The following CRADD variants were observed in gnomAD, a reference collection of about 807,000 sequenced individuals.
CRADD encodes CARD and death domain containing adaptor protein, also known as death domain-containing protein CRADD.
In CRADD, 9 loss-of-function variants were observed where a neutral mutation model predicts 15.5. The observed-to-expected ratio is 0.58, with a 90% CI of 0.35 to 1.01. CRADD has a LOEUF of 1.01. Among genes scored for constraint, CRADD ranks in the 50% least tolerant of loss-of-function variants. The pLI is 0.02. For synonymous variants in CRADD, 118 were observed against 107.6 expected (o/e 1.10, Z -0.60); for missense variants, 227 against 250.3 (o/e 0.91, Z 0.63).
intron 2 of CRADD, among the ~76,000 whole-genome samples, chr12:93,776,623 G>A (rs1041117974): frequency 6.6e-6 from 1 of 152,172 alleles, no homozygotes; most frequent in Non-Finnish European, 1.5e-5. Context: ...CTTGTGCATA[G>A]CAGCATTATT....
chr12:93,851,673 A>T (rs939085174), downstream of CRADD, among the ~76,000 whole-genome samples: 1 of 152,174 alleles, frequency 6.6e-6, no homozygotes, highest in Non-Finnish European at 1.5e-5. Flanking sequence ...CTATTGCCAC[A>T]TTTCTTACTA....
intron 2 of CRADD, among the ~76,000 whole-genome samples, chr12:93,795,699 A>G (rs1028709421): frequency 2.6e-5 from 4 of 151,718 alleles, no homozygotes; most frequent in Non-Finnish European, 4.4e-5. Flanking sequence ...TTTCCCATCT[A>G]TTTTTCTTTT....
At chr12:93,793,512 TTTTATTAA>T (rs1957375775) in intron 2 of CRADD, among the ~76,000 whole-genome samples, 1 of 152,214 alleles carries the variant, frequency 6.6e-6, no homozygotes, top group Non-Finnish European at 1.5e-5. Flanking sequence ...AGTTCATACA[TTTTATTAA>T]AGACAGTCTG....
intron 2 of CRADD, among the ~76,000 whole-genome samples, chr12:93,702,542 G>A (rs936883314): frequency 1.3e-5 from 2 of 151,502 alleles, no homozygotes; most frequent in Admixed American, 1.3e-4. Flanking sequence ...GGCTTTGGGA[G>A]GAACTGAGAA....
At position 93,850,540 on chromosome 12, in the gene CRADD, T is replaced by A. The variant is rs1395431544; in HGVS notation, c.*269T>A. On this transcript the variant is annotated 3_prime_UTR_variant, in exon 3 of 3. Coordinates refer to ENST00000332896, the MANE Select transcript of CRADD (RefSeq NM_003805.5). This position sits in a 1 kb window ranked among gnomAD's most constrained non-coding sequence, Gnocchi z 4.0. ...TTCAGTTTTTAAATGTGTAATGGCA[T>A]TTTAATAGACTAGTAAATCACAGTG... The A allele has an allele frequency of 1.8e-6, 2 of 1,131,050 alleles. No homozygotes were observed. The highest frequency in any genetic ancestry group is 3.3e-5 in the African/African-American group (2 of 61,124). 70.1% of individuals were successfully genotyped at this position (1,131,050 alleles called of 1,614,324 possible). A position where few individuals can be genotyped will look rare whatever the true frequency, so the allele number is the denominator to read the frequency against.
At chr12:93,888,578 A>AT (rs1186765089) in intron 2 of CRADD, among the ~76,000 whole-genome samples, 1 of 152,118 alleles carries the variant, frequency 6.6e-6, no homozygotes, top group Non-Finnish European at 1.5e-5. Flanking sequence ...AAAGGTCATC[A>AT]TTCTGTGCAT....
rs767048631 is a variant in CRADD at position 93,699,857 on chromosome 12, C to T, written c.298+20785C>T. On this transcript the variant is annotated intron_variant, in intron 2 of 2. Transcript: ENST00000332896. ...GAAATAGAAGCTAGAGAGCCCTTGT[C>T]CTTCAAGGAGTTTGAAGTCTGTATG... 2.6e-5 allele frequency among the ~76,000 whole-genome samples: 4 copies of T among 152,264 alleles called. No homozygotes were observed. The East Asian group carries it at 5.8e-4, about 22-fold the overall frequency.
intron 2 of CRADD, among the ~76,000 whole-genome samples, chr12:93,793,480 T>C (rs533160158): frequency 1.2e-4 from 19 of 152,310 alleles, no homozygotes; most frequent in African/African-American, 4.3e-4. Context: ...AGTTTGAGAA[T>C]CCTGCTTTAA....
At chr12:93,886,219 C>T in intron 2 of CRADD, among the ~76,000 whole-genome samples, 1 of 146,124 alleles carries the variant, frequency 6.8e-6, no homozygotes, top group East Asian at 2.0e-4. Context: ...GGCTGGAGCG[C>T]AGTCACATAG....
Position 93,894,051 on chromosome 12 carries a change from G to C in CRADD, c.300G>C (p.Glu100Asp), listed in dbSNP as rs1320470991. 8.5e-6 allele frequency: 6 copies of C among 702,466 alleles called. No homozygotes were observed. The East Asian group carries it at 1.3e-4, about 16-fold the overall frequency. The allele number at this position is 702,466 out of a possible 1,614,324, so 43.5% of individuals were successfully genotyped here. ...ACCTTCTCTTTCTTCTCATTTTAGA[G>C]ATGAGGAAACTGAGGCCAAAGGATT... The change falls in exon 3 of 3, where the codon GAG (glutamate) becomes GAC (aspartate). Residue 100 changes from glutamate to aspartate, a missense_variant and splice_region_variant. Glu to Asp is a conservative substitution (Grantham distance 45, BLOSUM62 2). Coordinates refer to the CRADD transcript ENST00000548483.
At chr12:93,718,915 A>C (rs187271616) in intron 2 of CRADD, among the ~76,000 whole-genome samples, 2 of 152,162 alleles carry the variant, frequency 1.3e-5, no homozygotes, top group East Asian at 3.9e-4. Flanking sequence ...GTGCACCACC[A>C]TGCCTGACTA....
chr12:93,721,140 G>C (rs148754427), intron 2 of CRADD, among the ~76,000 whole-genome samples: 49 of 152,252 alleles, frequency 3.2e-4, no homozygotes, highest in African/African-American at 1.2e-3. Flanking sequence ...GTGTTGCCCA[G>C]GCAGGTCTCA....
intron 2 of CRADD, among the ~76,000 whole-genome samples, chr12:93,818,661 T>TGACC (rs1957736184): frequency 6.6e-6 from 1 of 151,324 alleles, no homozygotes. Flanking sequence ...GGGCGAGGAG[T>TGACC]GACCCAGTGA....
At chr12:93,765,107 G>A (rs778641295) in intron 2 of CRADD, among the ~76,000 whole-genome samples, 10 of 151,936 alleles carry the variant, frequency 6.6e-5, no homozygotes, top group Non-Finnish European at 1.3e-4. Flanking sequence ...TGTAGTCTAG[G>A]TCCATTCCAG....
chr12:93,750,772 A>G (rs903609179), intron 2 of CRADD, among the ~76,000 whole-genome samples: 13 of 152,266 alleles, frequency 8.5e-5, no homozygotes, highest in Admixed American at 2.0e-4. Flanking sequence ...GTCTTTAGAC[A>G]TGAATGTACA....
chr12:93,859,795 G>T (rs1958305154), intron 2 of CRADD, among the ~76,000 whole-genome samples: 1 of 151,944 alleles, frequency 6.6e-6, no homozygotes, highest in African/African-American at 2.4e-5. Flanking sequence ...TGTAATCACG[G>T]CTCACTGCAA....
At chr12:93,862,432 GA>G in intron 2 of CRADD, among the ~76,000 whole-genome samples, 1 of 152,304 alleles carries the variant, frequency 6.6e-6, no homozygotes, top group Non-Finnish European at 1.5e-5. Context: ...AGGAGTTAAG[GA>G]GATGAATCTT....
chr12:93,799,282 A>G (rs1210746104), intron 2 of CRADD, among the ~76,000 whole-genome samples: 1 of 152,126 alleles, frequency 6.6e-6, no homozygotes, highest in African/African-American at 2.4e-5. Context: ...TTCTGAGGTT[A>G]TGTTTGTGAC....
intron 2 of CRADD, among the ~76,000 whole-genome samples, chr12:93,840,458 G>A (rs1958033556): frequency 6.6e-6 from 1 of 152,034 alleles, no homozygotes; most frequent in Non-Finnish European, 1.5e-5. Flanking sequence ...TAGATTATCT[G>A]CTAATCCTGA....
Sources: gnomAD v4.1 joint callset for allele counts (sites outside exome capture counted in the v4.1 genomes callset) on GRCh38, gnomAD v4.1.1 for gene constraint, Gnocchi (gnomAD v3.1) non-coding constraint, MANE v1.5 for transcripts, NCBI Gene and HGNC (gene_info 2026-07-23, HGNC 2026-07-21) for gene names.